Variants in ZNF292 observed in about 807,000 individuals in gnomAD.
ZNF292 encodes the protein 16 zinc-finger domain protein.
A neutral mutation model predicts 217.9 loss-of-function variants in ZNF292; 26 were observed. The observed-to-expected ratio is 0.12, with a 90% CI of 0.09 to 0.17. The LOEUF (loss-of-function observed/expected upper bound fraction) is 0.17. Ranked by LOEUF, ZNF292 falls within the 10% of genes least tolerant of loss-of-function variation. The pLI is 1.00. For synonymous variants in ZNF292, 1,257 were observed against 1,124.1 expected, an observed-to-expected ratio of 1.12 and a Z score of -2.37; for missense variants, 2,904 against 3,175.2, an observed-to-expected ratio of 0.91 and a Z score of 2.05.
chr6:87,259,264 G>A lies in ZNF292; in HGVS notation c.5635G>A (p.Asp1879Asn). 6.2e-7 allele frequency: 1 copy of A among 1,613,650 alleles called. No individual in the cohort carries two copies. The highest frequency in any genetic ancestry group is 8.5e-7 in the Non-Finnish European group (1 of 1,179,682). ...TCCCACGCCTGTTAAATCAACTGCAGATATCACAGTTATTCAGCCAGTTTC... is the reference window on the plus strand; with the variant it reads ...TCCCACGCCTGTTAAATCAACTGCAAATATCACAGTTATTCAGCCAGTTTC... The part of the protein sequence containing the change: ...LTPTPVKSTA[D>N]ITVIQPVSEM... Residue 1879 changes from aspartate (D) to asparagine (N), a missense_variant, in exon 8 of 8, where the codon GAT becomes AAT. By Grantham distance (23) the Asp-to-Asn change is conservative (BLOSUM62 1). Transcript: ENST00000369577.
intron 3 of ZNF292, among the ~76,000 whole-genome samples, chr6:87,218,381 G>T (rs1195551653): frequency 6.6e-6 from 1 of 152,002 alleles, no homozygotes; most frequent in Non-Finnish European, 1.5e-5. Context: ...ACTTACTTCT[G>T]TAAATACATT....
At position 87,260,082 on chromosome 6, in the gene ZNF292, A is replaced by G. The variant is rs760742566; in HGVS notation, c.6453A>G (p.Glu2151=). The change falls in exon 8 of 8, where the codon GAA becomes GAG. Residue 2151 remains glutamate, a synonymous_variant. Coordinates refer to ENST00000369577, the MANE Select transcript of ZNF292 (RefSeq NM_015021.3). Reference sequence around the variant, plus strand: ...TACCTGCATTTTCAGCAGAGGTCGAAGAGGAAAGTGAAGCTGGTAAAGAAA... The same window carrying G: ...TACCTGCATTTTCAGCAGAGGTCGAGGAGGAAAGTGAAGCTGGTAAAGAAA... The part of the protein sequence containing the change: ...SDLPAFSAEV[E]EESEAGKESE... 1.9e-6 allele frequency: 3 copies of G among 1,613,596 alleles called. No individual in the cohort carries two copies. The highest frequency in any genetic ancestry group is 2.5e-6 in the Non-Finnish European group (3 of 1,179,622).
At chr6:87,202,945 ATATAGG>A (rs1772137112) in intron 1 of ZNF292, among the ~76,000 whole-genome samples, 1 of 152,044 alleles carries the variant, frequency 6.6e-6, no homozygotes, top group Non-Finnish European at 1.5e-5. Context: ...GTATATGTAT[ATATAGG>A]GATAAAATAG....
chr6:87,232,851 A>G (rs1044170798), intron 4 of ZNF292, among the ~76,000 whole-genome samples: 8 of 152,082 alleles, frequency 5.3e-5, no homozygotes, highest in African/African-American at 1.9e-4. Context: ...TAAAATGAAA[A>G]ATATACCATC....
intron 1 of ZNF292, among the ~76,000 whole-genome samples, chr6:87,166,419 A>G (rs1054778343): frequency 6.6e-6 from 1 of 152,204 alleles, no homozygotes; most frequent in African/African-American, 2.4e-5. Flanking sequence ...TTGAAAAAAT[A>G]AGGCTGAGGT....
At position 87,260,976 on chromosome 6, in the gene ZNF292, A is replaced by G. The variant is rs779188702; in HGVS notation, c.7347A>G (p.Lys2449=). The G allele has an allele frequency of 5.0e-6, 8 of 1,609,194 alleles. No homozygotes were observed. In the African/African-American group the frequency reaches 9.3e-5, roughly 19 times the overall value. ...SEQEGAKNDV[K]DSDTCVSESN... ...AAGAAGGTGCTAAGAATGATGTGAAAGATTCTGACACGTGTGTATCAGAGA... is the reference window on the plus strand; with the variant it reads ...AAGAAGGTGCTAAGAATGATGTGAAGGATTCTGACACGTGTGTATCAGAGA... Residue 2449 remains lysine (K), a synonymous_variant, in exon 8 of 8, where the codon AAA becomes AAG. Coordinates refer to ENST00000369577, the MANE Select transcript of ZNF292 (RefSeq NM_015021.3).
intron 1 of ZNF292, among the ~76,000 whole-genome samples, chr6:87,200,942 G>GT (rs1216737651): frequency 6.6e-6 from 1 of 152,148 alleles, no homozygotes; most frequent in Admixed American, 6.5e-5. Context: ...GCACTGGGCC[G>GT]TTTGCCAGGG....
At chr6:87,211,104 C>A (rs1232560772) in intron 1 of ZNF292, among the ~76,000 whole-genome samples, 2 of 152,162 alleles carry the variant, frequency 1.3e-5, no homozygotes, top group African/African-American at 4.8e-5. Context: ...TGGAGTGTGT[C>A]TTTAATATAT....
Position 87,255,004 on chromosome 6 carries a change from T to C in ZNF292, c.1375T>C (p.Leu459=), listed in dbSNP as rs763242257. The change falls in exon 8 of 8, where the codon TTA becomes CTA. Residue 459 remains leucine, a synonymous_variant. Transcript: ENST00000369577. ...AACCTTGAAACGACAATGTCTTGCA[T>C]TAATGGGAGAAGAAGCATCCATTGT... The part of the protein sequence containing the change: ...WKTLKRQCLA[L]MGEEASIVSS... 7.4e-6 allele frequency: 12 copies of C among 1,613,672 alleles called. No individual in the cohort carries two copies. The African/African-American group carries it at 1.2e-4, about 16-fold the overall frequency.
At chr6:87,191,372 G>A (rs1370307709) in intron 1 of ZNF292, among the ~76,000 whole-genome samples, 1 of 152,106 alleles carries the variant, frequency 6.6e-6, no homozygotes, top group Non-Finnish European at 1.5e-5. Context: ...CTAGGCCACG[G>A]GTTGGACAAG....
chr6:87,155,901 A>G lies in ZNF292; in HGVS notation c.168+142A>G, dbSNP rs1379574656. On this transcript the variant is annotated intron_variant, in intron 1 of 7. Coordinates refer to ENST00000369577, the MANE Select transcript of ZNF292 (RefSeq NM_015021.3). Reference sequence around the variant, plus strand: ...CTGGGTGGGAGCGGGAGTAGAAGGAAGGCGCCTTTGTGTGGCTGCAGTTGT... The same window carrying G: ...CTGGGTGGGAGCGGGAGTAGAAGGAGGGCGCCTTTGTGTGGCTGCAGTTGT... The G allele has an allele frequency of 2.7e-6, 3 of 1,101,102 alleles. No individual in the cohort carries two copies. In the East Asian group the frequency reaches 8.0e-5, roughly 30 times the overall value. The allele number at this position is 1,101,102 out of a possible 1,614,324, so 68.2% of individuals were successfully genotyped here.
At chr6:87,183,088 T>C (rs898469842) in intron 1 of ZNF292, among the ~76,000 whole-genome samples, 8 of 152,228 alleles carry the variant, frequency 5.3e-5, no homozygotes, top group Admixed American at 3.9e-4. Flanking sequence ...GTGTATACAG[T>C]GAATGTTGCT....
chr6:87,257,765 G>A lies in ZNF292; in HGVS notation c.4136G>A (p.Arg1379Lys). ...IIRDGKFICS[R>K]CYRAFTNPRS... Reference sequence around the variant, plus strand: ...AGAGATGGGAAATTTATCTGTAGCAGGTGTTACAGGGCTTTTACTAATCCC... The same window carrying A: ...AGAGATGGGAAATTTATCTGTAGCAAGTGTTACAGGGCTTTTACTAATCCC... The change falls in exon 8 of 8, where the codon AGG becomes AAG. Residue 1379 changes from arginine (R) to lysine (K), a missense_variant. Physicochemically the swap from Arg to Lys is conservative, Grantham distance 26. Around this residue, in one of 15 missense-constraint regions of ZNF292, gnomAD observed 23 missense variants for 51.3 expected, o/e 0.45. Transcript: ENST00000369577. 1 of 1,613,798 alleles carries A rather than the reference G, an allele frequency of 6.2e-7. No homozygotes were observed. The highest frequency in any genetic ancestry group is 8.5e-7 in the Non-Finnish European group (1 of 1,179,798).
chr6:87,246,872 C>T (rs933580600), intron 7 of ZNF292, among the ~76,000 whole-genome samples: 9 of 150,796 alleles, frequency 6.0e-5, no homozygotes, highest in African/African-American at 2.0e-4. Context: ...AAAAGCAGGC[C>T]GGACGGACAT....
At chr6:87,201,080 G>C (rs1171572270) in intron 1 of ZNF292, among the ~76,000 whole-genome samples, 1 of 152,048 alleles carries the variant, frequency 6.6e-6, no homozygotes, top group Non-Finnish European at 1.5e-5. Flanking sequence ...TGATATAAAG[G>C]CAACATACTC....
At chr6:87,231,737 C>A (rs1245819834) in intron 4 of ZNF292, among the ~76,000 whole-genome samples, 1 of 152,118 alleles carries the variant, frequency 6.6e-6, no homozygotes, top group African/African-American at 2.4e-5. Flanking sequence ...TGAAATACTT[C>A]CCACCTTTAA....
In ZNF292 at chr6:87,259,626, C is replaced by T. The variant is rs767789691; in HGVS notation, c.5997C>T (p.Ala1999=). ...GRKSQSENVP[A]SRSTQVKKQL... ...AATCTCAGAGTGAAAATGTGCCGGC[C>T]TCACGAAGTACACAAGTGAAAAAAC... is the stretch of plus-strand genomic sequence containing the variant. Residue 1999 remains alanine, a synonymous_variant, in exon 8 of 8, where the codon GCC becomes GCT. Coordinates refer to ENST00000369577, the MANE Select transcript of ZNF292 (RefSeq NM_015021.3). The T allele has an allele frequency of 1.3e-6, 2 of 1,582,474 alleles. No homozygotes were observed. Among genetic ancestry groups the T allele is most frequent in the Admixed American group, 3.7e-5 (2 of 54,708 alleles).
At chr6:87,189,237 TA>T (rs1420304926) in intron 1 of ZNF292, among the ~76,000 whole-genome samples, 1 of 151,900 alleles carries the variant, frequency 6.6e-6, no homozygotes, top group East Asian at 1.9e-4. Context: ...ATAAATAAAA[TA>T]AAAAATGTCT....
chr6:87,214,989 A>G (rs985757012), intron 1 of ZNF292: 6 of 149,228 alleles, frequency 4.0e-5, no homozygotes, highest in South Asian at 2.1e-4. Flanking sequence ...TCAATACCCT[A>G]TTTTCTAGGA....
Sources: allele counts gnomAD v4.1 joint callset (sites outside exome capture counted in the v4.1 genomes callset), GRCh38; gene constraint gnomAD v4.1.1; regional missense constraint gnomAD v4.1.1; transcripts MANE v1.5; gene names NCBI Gene and HGNC (gene_info 2026-07-23, HGNC 2026-07-21).